IL4R: variants seen among roughly 807,000 people sequenced by gnomAD.
IL4R encodes interleukin 4 receptor.
IL4R carries 17 observed loss-of-function variants against 41.5 expected under a neutral mutation model. That is an observed-to-expected ratio of 0.41 (90% CI 0.28 to 0.61). IL4R has a LOEUF of 0.61. Ranked by LOEUF, IL4R falls within the 20% of genes least tolerant of loss-of-function variation. IL4R has a pLI of 0.31. For synonymous variants in IL4R, 402 were observed against 422.9 expected (o/e 0.95, Z 0.61); for missense variants, 974 against 1,043.1 (o/e 0.93, Z 0.91).
rs1805010 is a variant in IL4R at position 27,344,882 on chromosome 16, A to G, written c.223A>G (p.Ile75Val). 729,714 of 1,613,710 alleles carry G rather than the reference A, an allele frequency of 0.45. 166,267 individuals carry two copies. The highest frequency in any genetic ancestry group is 0.56 in the East Asian group (25,098 of 44,874). ...VFLLSEAHTCIPENNGGAGCV... is the reference protein window; with the variant it reads ...VFLLSEAHTCVPENNGGAGCV... ...CTGTGTCTGCAGAGCCCACACGTGT[A>G]TCCCTGAGAACAACGGAGGCGCGGG... Residue 75 changes from isoleucine (I) to valine (V), a missense_variant, in exon 5 of 11, where the codon ATC (isoleucine) becomes GTC (valine). Physicochemically the swap from Ile to Val is conservative, Grantham distance 29. This residue lies in a region of IL4R where 284 missense variants were observed against 313.4 expected (regional missense o/e 0.91). Coordinates refer to ENST00000395762, the MANE Select transcript of IL4R (RefSeq NM_000418.4).
intron 2 of IL4R, among the ~76,000 whole-genome samples, chr16:27,330,872 A>G (rs1283922756): frequency 6.6e-6 from 1 of 152,044 alleles, no homozygotes; most frequent in East Asian, 1.9e-4. Flanking sequence ...ATGCTTCTCT[A>G]ATGAGCTGTG....
chr16:27,323,387 A>T (rs531513105), intron 1 of IL4R, among the ~76,000 whole-genome samples: 1 of 152,132 alleles, frequency 6.6e-6, no homozygotes, highest in Admixed American at 6.5e-5. Flanking sequence ...TGTATCTTCC[A>T]TAGTGAGCTT....
At position 27,340,623 on chromosome 16, in the gene IL4R, G is replaced by A. The variant is rs528574377; in HGVS notation, c.70+350G>A. Among the ~76,000 whole-genome samples the A allele has an allele frequency of 7.2e-5, 11 of 152,298 alleles. 1 individual carries two copies. In the South Asian group the frequency reaches 2.3e-3, roughly 32 times the overall value. On this transcript the variant is annotated intron_variant, in intron 3 of 10. Transcript: ENST00000395762. Reference sequence around the variant, plus strand: ...TGTAGCCCCAGCTACTCAGGAGGCCGAGGTGGGAGGATCCCTTGAACTCAG... The same window carrying A: ...TGTAGCCCCAGCTACTCAGGAGGCCAAGGTGGGAGGATCCCTTGAACTCAG...
rs142418917 is a variant in IL4R, at chr16:27,324,549, G to C, written c.-151-5517G>C. On this transcript the variant is annotated intron_variant, in intron 1 of 10. Coordinates refer to ENST00000395762, the MANE Select transcript of IL4R (RefSeq NM_000418.4). Reference sequence around the variant, plus strand: ...GCTGGCCTTGCAGTAGGGGATATGAGCACCAAACACATAAGGCCCGAGTGT... The same window carrying C: ...GCTGGCCTTGCAGTAGGGGATATGACCACCAAACACATAAGGCCCGAGTGT... Among the ~76,000 whole-genome samples the C allele has an allele frequency of 7.8e-4, 119 of 152,320 alleles. 1 individual carries two copies. The highest frequency in any genetic ancestry group is 2.7e-3 in the African/African-American group (114 of 41,584).
chr16:27,338,410 G>A (rs2085329319), intron 2 of IL4R, among the ~76,000 whole-genome samples: 1 of 151,444 alleles, frequency 6.6e-6, no homozygotes, highest in Non-Finnish European at 1.5e-5. Context: ...GTAGAGATAA[G>A]GTCTCACTCT....
rs2086424435 is a variant in IL4R, at chr16:27,364,340, GGGTGGTCATTGCCTAGA to G, written c.*515_*531del. Reference sequence around the variant, plus strand: ...TCGATGAGAAATTGAACTTCAGGGAGGGTGGTCATTGCCTAGAGGTGCTCATTCATTTAACAGAGCTT... The same window carrying G: ...TCGATGAGAAATTGAACTTCAGGGAGGGTGCTCATTCATTTAACAGAGCTT... On this transcript the variant is annotated 3_prime_UTR_variant, in exon 11 of 11. Coordinates refer to ENST00000395762, the MANE Select transcript of IL4R (RefSeq NM_000418.4). 6.3e-6 allele frequency: 1 copy of G among 159,948 alleles called. No homozygotes were observed. Among genetic ancestry groups the G allele is most frequent in the Admixed American group, 6.0e-5 (1 of 16,584 alleles). The allele number at this position is 159,948 out of a possible 1,614,324, so 9.9% of individuals were successfully genotyped here.
chr16:27,334,808 C>G (rs1285793701), intron 2 of IL4R, among the ~76,000 whole-genome samples: 1 of 152,138 alleles, frequency 6.6e-6, no homozygotes, highest in African/African-American at 2.4e-5. Context: ...GATACAGAGC[C>G]TTCCCCTAGA....
At chr16:27,342,358 C>A in intron 4 of IL4R, 99 bp downstream of exon 4, 1 of 1,430,630 alleles carries the variant, frequency 7.0e-7, no homozygotes, top group Non-Finnish European at 9.7e-7. Context: ...GTGCAGGATG[C>A]TGAGTATGGT....
chr16:27,338,826 G>C, intron 2 of IL4R, among the ~76,000 whole-genome samples: 1 of 151,966 alleles, frequency 6.6e-6, no homozygotes, highest in Middle Eastern at 3.2e-3. Context: ...CCAGTCTCCA[G>C]AACTATGCAT....
At position 27,364,168 on chromosome 16, in the gene IL4R, T is replaced by C. The variant is rs2086418503; in HGVS notation, c.*338T>C. 3.9e-6 allele frequency: 1 copy of C among 254,384 alleles called. No individual in the cohort carries two copies. The highest frequency in any genetic ancestry group is 8.1e-5 in the East Asian group (1 of 12,394). 15.8% of individuals were successfully genotyped at this position (254,384 alleles called of 1,614,324 possible). ...TCCCTCCACAGCTTCTGCAGCAGAC[T>C]GTCCCTGTTGTAACTGCCCAAGGCA... On this transcript the variant is annotated 3_prime_UTR_variant, in exon 11 of 11. Coordinates refer to ENST00000395762, the MANE Select transcript of IL4R (RefSeq NM_000418.4).
chr16:27,352,626 G>A lies in IL4R; in HGVS notation c.600G>A (p.Arg200=), dbSNP rs764589721. 1 of 1,614,184 alleles carries A rather than the reference G, an allele frequency of 6.2e-7. No homozygotes were observed. Among genetic ancestry groups the A allele is most frequent in the South Asian group, 1.1e-5 (1 of 91,082 alleles). Residue 200 remains arginine (R), a synonymous_variant, in exon 7 of 11, where the codon CGG becomes CGA. Coordinates refer to ENST00000395762, the MANE Select transcript of IL4R (RefSeq NM_000418.4). ...AGTCTGGGATTTCCTACAGGGCACG[G>A]GTGAGGGCCTGGGCTCAGTGCTATA... ...TLKSGISYRA[R]VRAWAQCYNT... is the part of the protein sequence containing the mutation.
At chr16:27,353,217 G>A in intron 7 of IL4R, among the ~76,000 whole-genome samples, 1 of 152,226 alleles carries the variant, frequency 6.6e-6, no homozygotes, top group East Asian at 1.9e-4. Flanking sequence ...CAGGTACTGG[G>A]AAGGCTGAGG....
At chr16:27,330,623 G>A (rs989098057) in intron 2 of IL4R, among the ~76,000 whole-genome samples, 2 of 152,066 alleles carry the variant, frequency 1.3e-5, no homozygotes, top group African/African-American at 2.4e-5. Flanking sequence ...GCATAGGTTT[G>A]TGTATGCAGC....
chr16:27,348,377 G>T (rs945765947), intron 6 of IL4R, among the ~76,000 whole-genome samples: 1 of 152,182 alleles, frequency 6.6e-6, no homozygotes, highest in Non-Finnish European at 1.5e-5. Context: ...AGGATGGGCT[G>T]GGGGGAAGAG....
chr16:27,357,996 C>T (rs548215666), intron 8 of IL4R, among the ~76,000 whole-genome samples: 2 of 151,870 alleles, frequency 1.3e-5, no homozygotes, highest in South Asian at 4.2e-4. Context: ...CGGGTTCAAG[C>T]GATTCTCCTG....
In IL4R at chr16:27,313,996, C is replaced by A; in HGVS notation, c.-176C>A. Reference sequence around the variant, plus strand: ...CCCACTTCCCGCTTGGGCGCCCGGACGGCGAATGGAGCAGGGGCGCGCAGG... The same window carrying A: ...CCCACTTCCCGCTTGGGCGCCCGGAAGGCGAATGGAGCAGGGGCGCGCAGG... On this transcript the variant is annotated 5_prime_UTR_variant, in exon 1 of 11. Transcript: ENST00000395762. 2 of 984,878 alleles carry A rather than the reference C, an allele frequency of 2.0e-6. No individual in the cohort carries two copies. Among genetic ancestry groups the A allele is most frequent in the Non-Finnish European group, 2.4e-6 (2 of 829,730 alleles). The allele number at this position is 984,878 out of a possible 1,614,324, so 61.0% of individuals were successfully genotyped here.
intron 6 of IL4R, among the ~76,000 whole-genome samples, chr16:27,352,277 T>A (rs796892906): frequency 2.0e-4 from 31 of 152,344 alleles, no homozygotes; most frequent in African/African-American, 7.0e-4. Context: ...CAGATGAGAT[T>A]GAATTATCTC....
chr16:27,360,480 T>C (rs1032121151), intron 9 of IL4R, among the ~76,000 whole-genome samples: 1 of 152,212 alleles, frequency 6.6e-6, no homozygotes, highest in Non-Finnish European at 1.5e-5. Flanking sequence ...ATCACTTCCA[T>C]CACATTCTAT....
At chr16:27,351,111 GT>G (rs2085855427) in intron 6 of IL4R, among the ~76,000 whole-genome samples, 1 of 152,186 alleles carries the variant, frequency 6.6e-6, no homozygotes, top group South Asian at 2.1e-4. Flanking sequence ...TGGGGCTGCA[GT>G]TTCATCTGAG....
Sources: gnomAD v4.1 joint callset for allele counts (sites outside exome capture counted in the v4.1 genomes callset) on GRCh38, gnomAD v4.1.1 for gene constraint, gnomAD v4.1.1 regional missense constraint, MANE v1.5 for transcripts, NCBI Gene and HGNC (gene_info 2026-07-23, HGNC 2026-07-21) for gene names.